Variants in FANCB observed in about 807,000 individuals in gnomAD.
The protein encoded by FANCB is Fanconi anemia group B protein.
In FANCB, 5 loss-of-function variants were observed where a neutral mutation model predicts 38.9. That is an observed-to-expected ratio of 0.13 (90% CI 0.07 to 0.27). The LOEUF (loss-of-function observed/expected upper bound fraction) is 0.27, where lower values mean the gene tolerates loss of function less well. FANCB is among the 10% of genes least tolerant of loss of function. The pLI is 1.00. For missense variants in FANCB, 573 were observed against 602.7 expected, an observed-to-expected ratio of 0.95 and a Z score of 0.52; for synonymous variants, 236 against 215.4, an observed-to-expected ratio of 1.10 and a Z score of -0.84.
At chrX:14,724,631 A>T in the FANCB span, among the ~76,000 whole-genome samples, 1 of 32,974 alleles carries the variant, frequency 3.0e-5, no homozygotes, top group African/African-American at 1.1e-4. Flanking sequence ...TGTCTCAAAA[A>T]AAAAAAAAAA....
chrX:14,763,798 G>A, the FANCB span, among the ~76,000 whole-genome samples: 3 of 111,651 alleles, frequency 2.7e-5, no homozygotes, highest in Admixed American at 9.6e-5. Flanking sequence ...TCATCATGCT[G>A]TGTGTTCAAA....
the FANCB span, among the ~76,000 whole-genome samples, chrX:14,708,619 T>A: frequency 9.0e-6 from 1 of 111,327 alleles, no homozygotes. Context: ...TCTGCCCAAT[T>A]ATACAGCACA....
At chrX:14,743,427 G>C in the FANCB span, among the ~76,000 whole-genome samples, 1 of 111,195 alleles carries the variant, frequency 9.0e-6, no homozygotes, top group African/African-American at 3.3e-5. Context: ...CCCAGGCAAT[G>C]TTTCCACAGA....
downstream of FANCB, among the ~76,000 whole-genome samples, chrX:14,841,654 C>A: frequency 8.9e-6 from 1 of 111,834 alleles, no homozygotes; most frequent in Admixed American, 9.5e-5. Context: ...TTCAATTTGG[C>A]AGAGTGGATT....
the FANCB span, among the ~76,000 whole-genome samples, chrX:14,787,427 T>G: frequency 5.5e-5 from 6 of 109,803 alleles, no homozygotes; most frequent in Admixed American, 5.9e-4. Flanking sequence ...GGAAAAAGGG[T>G]CAAAGGGTTC....
chrX:14,758,968 A>G, the FANCB span, among the ~76,000 whole-genome samples: 1 of 111,925 alleles, frequency 8.9e-6, no homozygotes, highest in Non-Finnish European at 1.9e-5. Flanking sequence ...CTTAAATAAA[A>G]AAAAAATTAC....
the FANCB span, among the ~76,000 whole-genome samples, chrX:14,807,999 C>T: frequency 3.0e-4 from 33 of 111,453 alleles, no homozygotes; most frequent in African/African-American, 1.0e-3. Context: ...ACACATACAA[C>T]CTACCAAGAT....
the FANCB span, among the ~76,000 whole-genome samples, chrX:14,708,242 C>T: frequency 9.0e-6 from 1 of 111,066 alleles, no homozygotes; most frequent in African/African-American, 3.3e-5. Context: ...TTTTAGATTC[C>T]ACATATAAGT....
downstream of FANCB, among the ~76,000 whole-genome samples, chrX:14,840,529 G>T (rs1321147499): frequency 8.9e-6 from 1 of 111,892 alleles, no homozygotes; most frequent in Admixed American, 9.5e-5. Context: ...CTATGGGAAA[G>T]GAAGTTCCCT....
the FANCB span, among the ~76,000 whole-genome samples, chrX:14,742,745 C>A: frequency 0.036 from 4,005 of 112,125 alleles, 141 homozygotes; most frequent in African/African-American, 0.11. Context: ...AGTGAAGAGA[C>A]CATATCTAGA....
chrX:14,843,744 AGCAGCC>A lies in FANCB; in HGVS notation c.2397_2402del (p.Ala800_Ala801del), dbSNP rs749454699. 8.3e-7 allele frequency: 1 copy of A among 1,209,393 alleles called. No individual in the cohort carries two copies. Among genetic ancestry groups the A allele is most frequent in the African/African-American group, 1.8e-5 (1 of 57,054 alleles). ...GGATATTTTCCCTTCTGTCTGATAA[AGCAGCC>A]GCGACGACACTACTCTTTCCTTTGC... On this transcript the variant is annotated inframe_deletion, in exon 10 of 10. Coordinates refer to ENST00000650831, the MANE Select transcript of FANCB (RefSeq NM_001018113.3).
the FANCB span, among the ~76,000 whole-genome samples, chrX:14,705,868 GGTTAA>G: frequency 1.8e-5 from 2 of 111,576 alleles, no homozygotes; most frequent in Non-Finnish European, 3.8e-5. Flanking sequence ...AACATCAGGA[GGTTAA>G]GTTATTAAAT....
the FANCB span, among the ~76,000 whole-genome samples, chrX:14,743,001 C>T: frequency 8.9e-6 from 1 of 112,900 alleles, no homozygotes; most frequent in Admixed American, 9.3e-5. Context: ...GGGCCAGTTT[C>T]TCTCAAAGCC....
the FANCB span, among the ~76,000 whole-genome samples, chrX:14,789,159 T>G: frequency 3.6e-5 from 4 of 111,984 alleles, no homozygotes; most frequent in African/African-American, 9.7e-5. Context: ...GTAAGGAACT[T>G]GTCAAAGCCA....
At chrX:14,769,128 G>A in the FANCB span, among the ~76,000 whole-genome samples, 4 of 110,982 alleles carry the variant, frequency 3.6e-5, no homozygotes, top group African/African-American at 1.3e-4. Flanking sequence ...TTCTTTTTTT[G>A]TTGTTGTATC....
the FANCB span, among the ~76,000 whole-genome samples, chrX:14,741,570 T>C: frequency 2.7e-5 from 3 of 111,692 alleles, no homozygotes; most frequent in African/African-American, 9.8e-5. Context: ...AAGCACCAAG[T>C]GCCAGGTAGC....
At chrX:14,713,925 A>G in the FANCB span, among the ~76,000 whole-genome samples, 17 of 111,271 alleles carry the variant, frequency 1.5e-4, no homozygotes, top group Non-Finnish European at 3.0e-4. Flanking sequence ...AATAGACACT[A>G]TTGTTGGGAG....
chrX:14,828,620 C>G, the FANCB span, among the ~76,000 whole-genome samples: 1 of 111,990 alleles, frequency 8.9e-6, no homozygotes, highest in South Asian at 3.7e-4. Flanking sequence ...CTATTTCCAC[C>G]ACATCTGCAG....
chrX:14,851,436 G>A (rs2092401099), intron 6 of FANCB, among the ~76,000 whole-genome samples: 1 of 111,606 alleles, frequency 9.0e-6, no homozygotes. Flanking sequence ...AAGCCAACTC[G>A]TTCCAGAGCC....
Sources: gnomAD v4.1 joint callset for allele counts (sites outside exome capture counted in the v4.1 genomes callset) on GRCh38, gnomAD v4.1.1 for gene constraint, MANE v1.5 for transcripts, NCBI Gene and HGNC (gene_info 2026-07-23, HGNC 2026-07-21) for gene names.